Variants in SLC25A21 observed in about 807,000 individuals in gnomAD.
SLC25A21 encodes mitochondrial 2-oxodicarboxylate carrier.
A neutral mutation model predicts 43.8 loss-of-function variants in SLC25A21; 47 were observed. The observed-to-expected ratio is 1.07, with a 90% confidence interval of 0.85 to 1.37. SLC25A21 has a LOEUF of 1.37. SLC25A21 is among the 40% of genes most tolerant of loss of function. SLC25A21 has a pLI of 0.00. For missense variants in SLC25A21, 352 were observed against 350.2 expected, an observed-to-expected ratio of 1.00 and a Z score of -0.04; for synonymous variants, 131 against 121.3, an observed-to-expected ratio of 1.08 and a Z score of -0.52.
chr14:36,707,108 T>C (rs889559910), intron 7 of SLC25A21, among the ~76,000 whole-genome samples: 8 of 152,194 alleles, frequency 5.3e-5, no homozygotes, highest in African/African-American at 1.9e-4. Context: ...TACCCAGCTC[T>C]CTCTCTCCTA....
At chr14:37,110,011 T>C (rs900887275) in intron 1 of SLC25A21, among the ~76,000 whole-genome samples, 2 of 152,204 alleles carry the variant, frequency 1.3e-5, no homozygotes, top group African/African-American at 4.8e-5. Flanking sequence ...AAATAGTTTA[T>C]GGTTACTCTT....
chr14:36,818,951 T>C (rs899486316), intron 2 of SLC25A21, among the ~76,000 whole-genome samples: 1 of 152,198 alleles, frequency 6.6e-6, no homozygotes, highest in African/African-American at 2.4e-5. Flanking sequence ...CACTCTTGAT[T>C]GCATTTAGAA....
At chr14:36,946,018 T>C (rs1234159415) in intron 1 of SLC25A21, among the ~76,000 whole-genome samples, 1 of 152,230 alleles carries the variant, frequency 6.6e-6, no homozygotes, top group Non-Finnish European at 1.5e-5. Context: ...CCCTATGATG[T>C]ACCTATTATG....
Position 36,953,757 on chromosome 14 carries a change from G to A in SLC25A21, c.71-78753C>T, listed in dbSNP as rs144771043. ...AGACAGAGTATAAATCTGTCACTTC[G>A]GAAATTATCATCACAATAGAGGAAT... On this transcript the variant is annotated intron_variant, in intron 1 of 9. Transcript: ENST00000331299. Among the ~76,000 whole-genome samples the A allele has an allele frequency of 5.9e-4, 90 of 152,056 alleles. 1 individual carries two copies. Among genetic ancestry groups the A allele is most frequent in the African/African-American group, 2.0e-3 (81 of 41,498 alleles).
chr14:36,990,733 C>A lies in SLC25A21; in HGVS notation c.71-115729G>T, dbSNP rs545199895. ...GTCTACGAAAAATAAACAAAATTAG[C>A]TGGGTGTGGTGGTGGTGTGCACCTG... is the stretch of plus-strand genomic sequence containing the variant. On this transcript the variant is annotated intron_variant, in intron 1 of 9. Transcript: ENST00000331299. Among the ~76,000 whole-genome samples the A allele has an allele frequency of 5.3e-5, 8 of 152,040 alleles. No homozygotes were observed. The South Asian group carries it at 1.7e-3, about 32-fold the overall frequency.
intron 2 of SLC25A21, among the ~76,000 whole-genome samples, chr14:36,873,702 C>T (rs555439461): frequency 2.0e-5 from 3 of 152,174 alleles, no homozygotes; most frequent in South Asian, 2.1e-4. Context: ...CACAATGCAA[C>T]GGTATTTGGA....
intron 1 of SLC25A21, among the ~76,000 whole-genome samples, chr14:37,116,805 C>CT (rs994325212): frequency 3.9e-5 from 6 of 152,102 alleles, no homozygotes; most frequent in African/African-American, 1.4e-4. Context: ...GATAATCAAA[C>CT]TAAACAACTA....
intron 1 of SLC25A21, among the ~76,000 whole-genome samples, chr14:37,153,706 C>T (rs1354413700): frequency 6.6e-6 from 1 of 152,224 alleles, no homozygotes; most frequent in Non-Finnish European, 1.5e-5. Flanking sequence ...AGCACTTAGC[C>T]TGAGGCCTAA....
At chr14:37,026,586 T>A (rs1961097522) in intron 1 of SLC25A21, among the ~76,000 whole-genome samples, 1 of 152,182 alleles carries the variant, frequency 6.6e-6, no homozygotes, top group Non-Finnish European at 1.5e-5. Context: ...TGTGGTATTA[T>A]GTGAAGGAAA....
chr14:36,925,184 T>A (rs1892097612), intron 1 of SLC25A21, among the ~76,000 whole-genome samples: 1 of 152,128 alleles, frequency 6.6e-6, no homozygotes, highest in African/African-American at 2.4e-5. Context: ...TAAGTAAAGT[T>A]GGAAGAACCA....
At chr14:37,114,602 TATATC>T (rs1414897718) in intron 1 of SLC25A21, among the ~76,000 whole-genome samples, 4 of 152,204 alleles carry the variant, frequency 2.6e-5, no homozygotes, top group Non-Finnish European at 4.4e-5. Context: ...ACATTATCAA[TATATC>T]ATAGAATTTC....
At chr14:36,828,076 G>A (rs926640484) in intron 2 of SLC25A21, among the ~76,000 whole-genome samples, 5 of 151,842 alleles carry the variant, frequency 3.3e-5, no homozygotes, top group African/African-American at 1.2e-4. Flanking sequence ...AGGGGGAGGT[G>A]GTTTATGACG....
chr14:36,709,174 A>G (rs1883720414), intron 7 of SLC25A21, among the ~76,000 whole-genome samples: 1 of 152,020 alleles, frequency 6.6e-6, no homozygotes, highest in Non-Finnish European at 1.5e-5. Context: ...TGCCCAGCTA[A>G]TTTTTGTATT....
At chr14:36,779,126 T>C (rs1186716365) in intron 3 of SLC25A21, among the ~76,000 whole-genome samples, 1 of 150,400 alleles carries the variant, frequency 6.6e-6, no homozygotes, top group African/African-American at 2.4e-5. Flanking sequence ...GGTTCATCTA[T>C]GTTGTTGCAA....
chr14:37,013,913 C>G (rs1960789396), intron 1 of SLC25A21, among the ~76,000 whole-genome samples: 1 of 152,034 alleles, frequency 6.6e-6, no homozygotes. Flanking sequence ...TATGTTCACA[C>G]CATTAAGTCT....
At chr14:36,825,046 G>A (rs373895820) in intron 2 of SLC25A21, among the ~76,000 whole-genome samples, 2 of 152,126 alleles carry the variant, frequency 1.3e-5, no homozygotes, top group South Asian at 2.1e-4. Context: ...AAGACATCAC[G>A]TGATCTCATG....
chr14:37,018,975 A>C (rs1960924526), intron 1 of SLC25A21, among the ~76,000 whole-genome samples: 1 of 152,018 alleles, frequency 6.6e-6, no homozygotes, highest in Non-Finnish European at 1.5e-5. Context: ...CAGGATCTAC[A>C]GTTTGAACGT....
chr14:36,991,104 T>C (rs1326066080), intron 1 of SLC25A21, among the ~76,000 whole-genome samples: 1 of 152,152 alleles, frequency 6.6e-6, no homozygotes, highest in Non-Finnish European at 1.5e-5. Context: ...ATAATGTAAA[T>C]AGTCCAGTGG....
chr14:36,737,992 T>A (rs911182310), intron 3 of SLC25A21, among the ~76,000 whole-genome samples: 2 of 152,202 alleles, frequency 1.3e-5, no homozygotes, highest in Non-Finnish European at 2.9e-5. Context: ...CTCTTTTACT[T>A]AAATAAGTTT....
Sources: gnomAD v4.1 joint callset for allele counts (sites outside exome capture counted in the v4.1 genomes callset) on GRCh38, gnomAD v4.1.1 for gene constraint, MANE v1.5 for transcripts, NCBI Gene and HGNC (gene_info 2026-07-23, HGNC 2026-07-21) for gene names.